Variants in TMEM132D observed in about 807,000 individuals in gnomAD.
The protein encoded by TMEM132D is transmembrane protein 132D, also known as mature OL transmembrane protein.
Under a neutral mutation model 62.3 loss-of-function variants are expected in TMEM132D, and 21 were observed. The observed-to-expected ratio is 0.34, with a 90% CI of 0.24 to 0.49. The LOEUF is 0.49. Ranked by LOEUF, TMEM132D falls within the 20% of genes least tolerant of loss-of-function variation. The probability of loss-of-function intolerance (pLI) is 0.99; values close to 1 mark genes in which losing one functional copy is unlikely to be tolerated. For synonymous variants in TMEM132D, 621 were observed against 575.6 expected (o/e 1.08, Z -1.13); for missense variants, 1,346 against 1,402.8 (o/e 0.96, Z 0.65).
At chr12:129,448,264 C>T (rs981135047) in intron 3 of TMEM132D, among the ~76,000 whole-genome samples, 2 of 152,054 alleles carry the variant, frequency 1.3e-5, no homozygotes, top group African/African-American at 2.4e-5. Flanking sequence ...TGTGCAGGTT[C>T]GTTACACAGG....
chr12:129,205,800 T>A (rs1296931409), intron 5 of TMEM132D, among the ~76,000 whole-genome samples: 2 of 150,958 alleles, frequency 1.3e-5, no homozygotes, highest in African/African-American at 2.4e-5. Flanking sequence ...AAAAAAAAAA[T>A]TGAAACCATA....
intron 3 of TMEM132D, among the ~76,000 whole-genome samples, chr12:129,499,779 C>T (rs896289076): frequency 6.6e-6 from 1 of 152,166 alleles, no homozygotes; most frequent in Admixed American, 6.5e-5. Context: ...AGAGTAAGAC[C>T]GTATGAGGCA....
At chr12:129,839,211 C>A (rs1367967453) in intron 1 of TMEM132D, among the ~76,000 whole-genome samples, 5 of 146,546 alleles carry the variant, frequency 3.4e-5, no homozygotes, top group Admixed American at 7.1e-5. Context: ...AGCCCCGCAA[C>A]CTTCGCCTCC....
At chr12:129,387,442 C>A (rs1474375492) in intron 3 of TMEM132D, among the ~76,000 whole-genome samples, 2 of 148,996 alleles carry the variant, frequency 1.3e-5, no homozygotes, top group Non-Finnish European at 3.0e-5. Context: ...AACAGCAATA[C>A]TAACACTAAC....
At chr12:129,807,625 C>T (rs542026526) in intron 1 of TMEM132D, among the ~76,000 whole-genome samples, 4 of 152,290 alleles carry the variant, frequency 2.6e-5, no homozygotes, top group East Asian at 1.9e-4. Flanking sequence ...AGTTAAGAGA[C>T]GATGCGTTGA....
In TMEM132D at chr12:129,800,062, A is replaced by G. The variant is rs575660240; in HGVS notation, c.80-99364T>C. On this transcript the variant is annotated intron_variant, in intron 1 of 8. Coordinates refer to ENST00000422113, the MANE Select transcript of TMEM132D (RefSeq NM_133448.3). ...TGTCCTTGATCATCGAATCCTAAAA[A>G]AAGTCTTCTAGATGACCTAGGGTCC... Among the ~76,000 whole-genome samples, 411 of 152,230 alleles carry G rather than the reference A, an allele frequency of 2.7e-3. 1 individual carries two copies. Among genetic ancestry groups the G allele is most frequent in the African/African-American group, 9.4e-3 (391 of 41,530 alleles).
At chr12:129,537,370 T>A in intron 2 of TMEM132D, among the ~76,000 whole-genome samples, 1 of 152,120 alleles carries the variant, frequency 6.6e-6, no homozygotes, top group African/African-American at 2.4e-5. Context: ...CCCCTTAGGA[T>A]GTGCTCACCC....
chr12:129,542,142 C>T (rs1876599067), intron 2 of TMEM132D, among the ~76,000 whole-genome samples: 1 of 152,150 alleles, frequency 6.6e-6, no homozygotes, highest in Admixed American at 6.5e-5. Context: ...GGGGGCCTCC[C>T]CAGCACCTAC....
intron 2 of TMEM132D, among the ~76,000 whole-genome samples, chr12:129,556,221 C>A (rs1362100944): frequency 1.3e-5 from 2 of 152,170 alleles, no homozygotes; most frequent in African/African-American, 2.4e-5. Context: ...TTCTCTAACA[C>A]AAACATTCCA....
At chr12:129,642,867 A>T (rs1249897846) in intron 2 of TMEM132D, among the ~76,000 whole-genome samples, 2 of 151,042 alleles carry the variant, frequency 1.3e-5, no homozygotes, top group Non-Finnish European at 2.9e-5. Flanking sequence ...CGTTAAACAC[A>T]TTCTGACAAC....
At chr12:129,471,848 A>G (rs1874100811) in intron 3 of TMEM132D, among the ~76,000 whole-genome samples, 1 of 152,228 alleles carries the variant, frequency 6.6e-6, no homozygotes, top group African/African-American at 2.4e-5. Flanking sequence ...TGGACAGAAG[A>G]TCAAACCAGC....
chr12:129,531,157 G>A lies in TMEM132D; in HGVS notation c.1017C>T (p.Ser339=). The change falls in exon 3 of 9, where the codon AGC becomes AGT. Residue 339 remains serine, a synonymous_variant. Transcript: ENST00000422113. ...GCTCCTTGACATCCCAAATGGAAGG[G>A]CTGCTGGCTCGCACGCCGATGATGT... ...GVNIIGVRAS[S]PSIWDVKERT... is the part of the protein sequence containing the mutation. 1 of 1,613,698 alleles carries A rather than the reference G, an allele frequency of 6.2e-7. No homozygotes were observed. The highest frequency in any genetic ancestry group is 1.1e-5 in the South Asian group (1 of 91,036).
Position 129,162,278 on chromosome 12 carries a change from G to A in TMEM132D, c.1443+47242C>T, listed in dbSNP as rs1877420966. Among the ~76,000 whole-genome samples the A allele has an allele frequency of 2.6e-5, 4 of 152,162 alleles. No individual in the cohort carries two copies. The South Asian group carries it at 6.2e-4, about 24-fold the overall frequency. ...TGAGGAAAGACCCTGTGAGGACATG[G>A]AGAGAAGGCAGCCGTGCACAAGCCA... On this transcript the variant is annotated intron_variant, in intron 5 of 8. Transcript: ENST00000422113.
intron 3 of TMEM132D, among the ~76,000 whole-genome samples, chr12:129,476,342 A>G (rs1391454201): frequency 6.6e-6 from 1 of 152,212 alleles, no homozygotes; most frequent in Non-Finnish European, 1.5e-5. Flanking sequence ...AGAAAGAGAC[A>G]AGAGCAACTT....
chr12:129,729,926 C>T (rs376836953), intron 1 of TMEM132D, among the ~76,000 whole-genome samples: 1 of 152,146 alleles, frequency 6.6e-6, no homozygotes, highest in African/African-American at 2.4e-5. Context: ...TTGTGATATT[C>T]CCTGCCCTTG....
intron 2 of TMEM132D, among the ~76,000 whole-genome samples, chr12:129,666,063 G>A (rs1050376153): frequency 1.3e-5 from 2 of 152,168 alleles, no homozygotes; most frequent in Non-Finnish European, 2.9e-5. Flanking sequence ...TGCACAGTCG[G>A]TAAAAGCACT....
At chr12:129,718,271 G>A (rs745786737) in intron 1 of TMEM132D, among the ~76,000 whole-genome samples, 2 of 152,212 alleles carry the variant, frequency 1.3e-5, no homozygotes, top group Non-Finnish European at 2.9e-5. Flanking sequence ...CACCAAGGCT[G>A]GGTCACATGC....
At chr12:129,488,729 G>A (rs1035386185) in intron 3 of TMEM132D, among the ~76,000 whole-genome samples, 11 of 152,078 alleles carry the variant, frequency 7.2e-5, no homozygotes, top group Admixed American at 2.6e-4. Context: ...GGAGTGTGGC[G>A]GGGGAAACTT....
At chr12:129,205,377 A>G (rs763168100) in intron 5 of TMEM132D, among the ~76,000 whole-genome samples, 57 of 37,866 alleles carry the variant, frequency 1.5e-3, no homozygotes, top group East Asian at 6.9e-3. Context: ...CTAATTTCAG[A>G]AAAAAAAAAA....
Sources: gnomAD v4.1 joint callset for allele counts (sites outside exome capture counted in the v4.1 genomes callset) on GRCh38, gnomAD v4.1.1 for gene constraint, MANE v1.5 for transcripts, NCBI Gene and HGNC (gene_info 2026-07-23, HGNC 2026-07-21) for gene names.